TBC1D5: variants seen among roughly 807,000 people sequenced by gnomAD.
TBC1D5 encodes TBC1 domain family member 5, also known as TBC1 domain family, member 5.
In TBC1D5, 75 loss-of-function variants were observed where a neutral mutation model predicts 100.3. That is an observed-to-expected ratio of 0.75 (90% CI 0.62 to 0.91). The LOEUF is 0.91. TBC1D5 is among the 40% of genes least tolerant of loss of function. The probability of loss-of-function intolerance (pLI) is 0.00; values close to 1 mark genes in which losing one functional copy is unlikely to be tolerated. For synonymous variants in TBC1D5, 323 were observed against 325.6 expected (o/e 0.99, Z 0.09); for missense variants, 910 against 942.4 (o/e 0.97, Z 0.45).
In TBC1D5 at chr3:17,407,367, G is replaced by A. The variant is rs537789051; in HGVS notation, c.168-841C>T. Among the ~76,000 whole-genome samples the A allele has an allele frequency of 3.3e-5, 5 of 152,236 alleles. No individual in the cohort carries two copies. The East Asian group carries it at 7.7e-4, about 23-fold the overall frequency. Reference sequence around the variant, plus strand: ...CCAAACTAAACATTAAGAATCACTTGAGTAGAGGCTACTGAGATTAGCTTT... The same window carrying A: ...CCAAACTAAACATTAAGAATCACTTAAGTAGAGGCTACTGAGATTAGCTTT... On this transcript the variant is annotated intron_variant, in intron 4 of 21. Coordinates refer to ENST00000253692, the Ensembl canonical transcript of TBC1D5.
At chr3:17,572,238 C>T (rs935123658) in intron 2 of TBC1D5, among the ~76,000 whole-genome samples, 3 of 151,814 alleles carry the variant, frequency 2.0e-5, no homozygotes, top group African/African-American at 7.2e-5. Flanking sequence ...ATATTGGCAT[C>T]TGCCTCCTGG....
At chr3:17,225,122 G>C (rs2148743683) in intron 17 of TBC1D5, among the ~76,000 whole-genome samples, 2 of 152,158 alleles carry the variant, frequency 1.3e-5, no homozygotes, top group Middle Eastern at 6.8e-3. Context: ...TTAACCAACA[G>C]ATCAAAAATA....
intron 1 of TBC1D5, among the ~76,000 whole-genome samples, chr3:17,696,541 A>G (rs2072120249): frequency 6.6e-6 from 1 of 152,206 alleles, no homozygotes; most frequent in African/African-American, 2.4e-5. Flanking sequence ...GACTAAACCA[A>G]GACTAAACCA....
intron 2 of TBC1D5, among the ~76,000 whole-genome samples, chr3:17,573,908 G>C (rs1176457023): frequency 6.6e-6 from 1 of 151,728 alleles, no homozygotes; most frequent in Admixed American, 6.6e-5. Flanking sequence ...GCTCCTATTG[G>C]AAAGAATCAT....
intron 15 of TBC1D5, among the ~76,000 whole-genome samples, chr3:17,290,372 T>C (rs1305156066): frequency 3.9e-5 from 6 of 152,218 alleles, no homozygotes; most frequent in African/African-American, 1.4e-4. Flanking sequence ...ATTCTGAAGC[T>C]GGATGAGTGA....
At chr3:17,281,533 C>T (rs1295959198) in intron 15 of TBC1D5, among the ~76,000 whole-genome samples, 1 of 152,168 alleles carries the variant, frequency 6.6e-6, no homozygotes, top group East Asian at 1.9e-4. Context: ...GTGAATGGTC[C>T]AGTCACTACT....
chr3:17,383,845 C>T, intron 9 of TBC1D5, 68 bp downstream of exon 9: 2 of 1,225,754 alleles, frequency 1.6e-6, no homozygotes, highest in Non-Finnish European at 1.2e-6. Context: ...CATTATTGCT[C>T]TATCATTTGT....
At chr3:17,296,420 CT>C (rs1408165351) in intron 14 of TBC1D5, among the ~76,000 whole-genome samples, 1 of 152,190 alleles carries the variant, frequency 6.6e-6, no homozygotes, top group Non-Finnish European at 1.5e-5. Context: ...CACATAATTA[CT>C]GCCTGCAGCA....
intron 18 of TBC1D5, among the ~76,000 whole-genome samples, chr3:17,191,905 T>C (rs1415496250): frequency 6.6e-6 from 1 of 152,152 alleles, no homozygotes; most frequent in Non-Finnish European, 1.5e-5. Context: ...ATTATAGGCA[T>C]GAGTCATCGC....
rs182213940 is a variant in TBC1D5, at chr3:17,606,641, T to C, written c.-36+17208A>G. Among the ~76,000 whole-genome samples, 1,062 of 152,228 alleles carry C rather than the reference T, an allele frequency of 7.0e-3. 7 individuals are homozygous for C. Among genetic ancestry groups the C allele is most frequent in the Middle Eastern group, 0.014 (4 of 294 alleles). ...ATGCTTAATTCAATATAATTAAATA[T>C]GAGAGAATATCCTTCAGGAGAGAAA... is the stretch of plus-strand genomic sequence containing the variant. On this transcript the variant is annotated intron_variant, in intron 2 of 21. Transcript: ENST00000253692.
intron 2 of TBC1D5, among the ~76,000 whole-genome samples, chr3:17,515,090 A>G (rs1449810589): frequency 6.6e-6 from 1 of 152,148 alleles, no homozygotes; most frequent in Admixed American, 6.5e-5. Context: ...AACAGAAATC[A>G]TAATTTGGCG....
intron 2 of TBC1D5, among the ~76,000 whole-genome samples, chr3:17,561,541 T>C (rs956727621): frequency 3.9e-5 from 6 of 152,126 alleles, no homozygotes; most frequent in African/African-American, 4.8e-5. Flanking sequence ...TTTTGATAAG[T>C]TGACCAAGTG....
At chr3:17,258,291 C>CA (rs2077922709) in intron 16 of TBC1D5, among the ~76,000 whole-genome samples, 1 of 152,064 alleles carries the variant, frequency 6.6e-6, no homozygotes, top group African/African-American at 2.4e-5. Flanking sequence ...CAAATTGTAA[C>CA]AAGTACTCTT....
chr3:17,243,025 A>C (rs146489509), intron 16 of TBC1D5, among the ~76,000 whole-genome samples: 37 of 152,250 alleles, frequency 2.4e-4, no homozygotes, highest in African/African-American at 8.9e-4. Context: ...GATATAGTGG[A>C]ACAACTGTAC....
At chr3:17,695,081 G>C (rs1442119942) in intron 1 of TBC1D5, among the ~76,000 whole-genome samples, 2 of 152,076 alleles carry the variant, frequency 1.3e-5, no homozygotes, top group Non-Finnish European at 2.9e-5. Context: ...TGCCTTACAA[G>C]AGCTCCTGAA....
chr3:17,550,962 AAATT>A (rs2096467262), intron 2 of TBC1D5, among the ~76,000 whole-genome samples: 1 of 152,202 alleles, frequency 6.6e-6, no homozygotes. Flanking sequence ...TATAATTTAA[AAATT>A]TATTTGAAAA....
At chr3:17,252,242 C>T (rs555361771) in intron 16 of TBC1D5, among the ~76,000 whole-genome samples, 2 of 152,186 alleles carry the variant, frequency 1.3e-5, no homozygotes, top group Admixed American at 1.3e-4. Context: ...CAATTTTACA[C>T]AACCAAAATC....
At chr3:17,626,531 AAGTAAT>A (rs2063076889) in intron 1 of TBC1D5, among the ~76,000 whole-genome samples, 1 of 152,230 alleles carries the variant, frequency 6.6e-6, no homozygotes, top group Non-Finnish European at 1.5e-5. Flanking sequence ...AAACAAAAGC[AAGTAAT>A]AGTACAAAAT....
At chr3:17,440,521 G>T (rs1342224409) in intron 3 of TBC1D5, among the ~76,000 whole-genome samples, 1 of 152,184 alleles carries the variant, frequency 6.6e-6, no homozygotes, top group East Asian at 1.9e-4. Flanking sequence ...GGGGACTGGG[G>T]CAGGAGGATC....
Sources: gnomAD v4.1 joint callset for allele counts (sites outside exome capture counted in the v4.1 genomes callset) on GRCh38, gnomAD v4.1.1 for gene constraint, MANE v1.5 for transcripts, NCBI Gene and HGNC (gene_info 2026-07-23, HGNC 2026-07-21) for gene names.